Variants in ST6GAL1 observed in about 807,000 individuals in gnomAD.
ST6GAL1 encodes the protein ST6 beta-galactoside alpha-2,6-sialyltransferase 1, also known as beta-galactoside alpha-2,6-sialyltransferase 1.
Under a neutral mutation model 38.0 loss-of-function variants are expected in ST6GAL1, and 20 were observed. That is an observed-to-expected ratio of 0.53 (90% CI 0.37 to 0.77). The LOEUF (loss-of-function observed/expected upper bound fraction) is 0.77. ST6GAL1 is among the 30% of genes least tolerant of loss of function. The pLI is 0.00. For missense variants in ST6GAL1, 432 were observed against 496.4 expected, an observed-to-expected ratio of 0.87 and a Z score of 1.23; for synonymous variants, 196 against 188.2, an observed-to-expected ratio of 1.04 and a Z score of -0.34.
chr3:187,006,668 C>G (rs995885997), intron 2 of ST6GAL1: 2 of 152,300 alleles, frequency 1.3e-5, no homozygotes, highest in African/African-American at 4.8e-5. Context: ...AGTGATTTGT[C>G]TAAGGTCACA....
Position 186,996,344 on chromosome 3 carries a change from T to C in ST6GAL1, c.-183+32418T>C, listed in dbSNP as rs553604086. 2.0e-5 allele frequency among the ~76,000 whole-genome samples: 3 copies of C among 152,306 alleles called. No homozygotes were observed. The East Asian group carries it at 5.8e-4, about 29-fold the overall frequency. On this transcript the variant is annotated intron_variant, in intron 2 of 7. Coordinates refer to ENST00000169298, the MANE Select transcript of ST6GAL1 (RefSeq NM_173216.2). ...TTTGGAATTAGGAAGAAACATGTTATGATGTAGAAAAGCCTGCTCTGTTAC... is the reference window on the plus strand; with the variant it reads ...TTTGGAATTAGGAAGAAACATGTTACGATGTAGAAAAGCCTGCTCTGTTAC...
At chr3:187,072,114 A>G (rs1263707110) in intron 5 of ST6GAL1, 1 of 152,276 alleles carries the variant, frequency 6.6e-6, no homozygotes, top group African/African-American at 2.4e-5. Context: ...TAAGGCAGGT[A>G]TAACTACCCA....
chr3:186,937,036 G>A (rs1307710160), intron 1 of ST6GAL1, among the ~76,000 whole-genome samples: 1 of 149,140 alleles, frequency 6.7e-6, no homozygotes, highest in Non-Finnish European at 1.5e-5. Context: ...AAAAAATTCC[G>A]CTATCCAAAG....
In ST6GAL1 at chr3:186,987,141, G is replaced by GA. The variant is rs1715954733; in HGVS notation, c.-183+23217dup. 2.3e-5 allele frequency among the ~76,000 whole-genome samples: 3 copies of GA among 129,438 alleles called. No homozygotes were observed. In the South Asian group the frequency reaches 8.6e-4, roughly 37 times the overall value. The allele number at this position is 129,438 out of a possible 152,430, so 84.9% of individuals were successfully genotyped here. On this transcript the variant is annotated intron_variant, in intron 2 of 7. Transcript: ENST00000169298. ...CTGCATAGGAAAGGAAGGAAAGAAA[G>GA]AAGGAAGGGAGGGAGGGAGGAAGAA...
chr3:187,049,562 C>T (rs1282345098), intron 4 of ST6GAL1, among the ~76,000 whole-genome samples: 3 of 152,240 alleles, frequency 2.0e-5, no homozygotes, highest in African/African-American at 4.8e-5. Context: ...TGTCCCTCCT[C>T]AGCTCAGGGT....
chr3:187,065,814 T>C, intron 5 of ST6GAL1, among the ~76,000 whole-genome samples: 1 of 152,210 alleles, frequency 6.6e-6, no homozygotes, highest in East Asian at 1.9e-4. Context: ...AAATATATTA[T>C]ATATACCATC....
chr3:187,039,270 G>A (rs1019782729), intron 3 of ST6GAL1, among the ~76,000 whole-genome samples: 14 of 152,190 alleles, frequency 9.2e-5, no homozygotes, highest in Admixed American at 8.5e-4. Flanking sequence ...GATGCAAGTC[G>A]CTGTGTTCTT....
intron 5 of ST6GAL1, among the ~76,000 whole-genome samples, chr3:187,055,877 C>T (rs1357147529): frequency 2.0e-5 from 3 of 152,048 alleles, no homozygotes; most frequent in East Asian, 1.9e-4. Flanking sequence ...GTTTCTGTCT[C>T]GTTGATCCGT....
At chr3:187,002,279 TA>T (rs1376287899) in intron 2 of ST6GAL1, among the ~76,000 whole-genome samples, 1 of 152,214 alleles carries the variant, frequency 6.6e-6, no homozygotes, top group East Asian at 1.9e-4. Flanking sequence ...CTCCCACACT[TA>T]GTGTCAAACT....
At chr3:187,057,742 C>T (rs778227532) in intron 5 of ST6GAL1, among the ~76,000 whole-genome samples, 18 of 152,200 alleles carry the variant, frequency 1.2e-4, no homozygotes, top group South Asian at 2.1e-4. Context: ...TTAGGCTACA[C>T]GGGGCTCAGG....
At chr3:187,050,534 A>G (rs1016501306) in intron 4 of ST6GAL1, among the ~76,000 whole-genome samples, 5 of 87,874 alleles carry the variant, frequency 5.7e-5, no homozygotes, top group East Asian at 4.3e-4. Flanking sequence ...CTTACAAAGA[A>G]AGAGAGAGAG....
chr3:186,965,304 A>G lies in ST6GAL1; in HGVS notation c.-183+1378A>G, dbSNP rs527876591. 3.3e-5 allele frequency among the ~76,000 whole-genome samples: 5 copies of G among 152,326 alleles called. No individual in the cohort carries two copies. The South Asian group carries it at 1.0e-3, about 32-fold the overall frequency. On this transcript the variant is annotated intron_variant, in intron 2 of 7. Transcript: ENST00000169298. Reference sequence around the variant, plus strand: ...TCAGAGTTTTTGACTCATAATCTCTAATGCGGGTGTGGGGGACTTCCTGCC... The same window carrying G: ...TCAGAGTTTTTGACTCATAATCTCTGATGCGGGTGTGGGGGACTTCCTGCC...
chr3:187,021,042 G>A (rs917663680), intron 2 of ST6GAL1, among the ~76,000 whole-genome samples: 1 of 151,146 alleles, frequency 6.6e-6, no homozygotes, highest in African/African-American at 2.4e-5. Flanking sequence ...TCTGCCCACT[G>A]AGCCTCTGCC....
chr3:186,967,349 A>G lies in ST6GAL1; in HGVS notation c.-183+3423A>G, dbSNP rs552835070. ...TGAGATTACAGGCGCCTGCCACCAC[A>G]CCCAGCTAATTTTTGTATTTTTAGT... is the stretch of plus-strand genomic sequence containing the variant. On this transcript the variant is annotated intron_variant, in intron 2 of 7. Transcript: ENST00000169298. Among the ~76,000 whole-genome samples, 8 of 152,096 alleles carry G rather than the reference A, an allele frequency of 5.3e-5. No individual in the cohort carries two copies. In the East Asian group the frequency reaches 1.2e-3, roughly 22 times the overall value.
intron 2 of ST6GAL1, among the ~76,000 whole-genome samples, chr3:187,035,825 CATTCTGGACATCAACCTTGGGA>C (rs59667934): frequency 0.44 from 66,595 of 151,652 alleles, 15,572 homozygotes; most frequent in African/African-American, 0.59. Context: ...TAGGAAACAC[CATTCTGGACATCAACCTTGGGA>C]AAGGATTTAT....
intron 2 of ST6GAL1, among the ~76,000 whole-genome samples, chr3:186,993,862 T>C (rs2108547537): frequency 6.6e-6 from 1 of 152,204 alleles, no homozygotes; most frequent in Admixed American, 6.6e-5. Context: ...CCTAGCACAT[T>C]ACGTTATGTA....
chr3:187,030,130 A>G (rs1252191080), intron 2 of ST6GAL1, among the ~76,000 whole-genome samples: 2 of 152,218 alleles, frequency 1.3e-5, no homozygotes, highest in South Asian at 2.1e-4. Flanking sequence ...TTAATATCAC[A>G]AGGAGTTATG....
intron 5 of ST6GAL1, among the ~76,000 whole-genome samples, chr3:187,067,135 G>A (rs549368050): frequency 2.6e-4 from 34 of 129,570 alleles, no homozygotes; most frequent in Non-Finnish European, 4.5e-4. Context: ...CACCCAGGCT[G>A]GAGTGCAGTG....
intron 2 of ST6GAL1, among the ~76,000 whole-genome samples, chr3:186,990,782 C>T (rs1435147820): frequency 1.3e-5 from 2 of 151,528 alleles, no homozygotes; most frequent in African/African-American, 4.9e-5. Flanking sequence ...CATTGCGCTC[C>T]GGCCTGGTCA....
Sources: allele counts gnomAD v4.1 joint callset (sites outside exome capture counted in the v4.1 genomes callset), GRCh38; gene constraint gnomAD v4.1.1; transcripts MANE v1.5; gene names NCBI Gene and HGNC (gene_info 2026-07-23, HGNC 2026-07-21).